The following COL4A5 variants were observed in gnomAD, a reference collection of about 807,000 sequenced individuals.
COL4A5 encodes collagen alpha-5(IV) chain.
In COL4A5, 26 loss-of-function variants were observed where a neutral mutation model predicts 130.2. The ratio of observed to expected loss-of-function variants is 0.20; its 90% CI spans 0.15 to 0.28. The LOEUF (loss-of-function observed/expected upper bound fraction) is 0.28. Ranked by LOEUF, COL4A5 falls within the 10% of genes least tolerant of loss-of-function variation. The probability of loss-of-function intolerance (pLI) is 1.00; values close to 1 mark genes in which losing one functional copy is unlikely to be tolerated. For synonymous variants in COL4A5, 496 were observed against 439.6 expected, an observed-to-expected ratio of 1.13 and a Z score of -1.60; for missense variants, 1,131 against 1,344.3, an observed-to-expected ratio of 0.84 and a Z score of 2.48.
chrX:108,556,231 A>G (rs1407935948), intron 2 of COL4A5, among the ~76,000 whole-genome samples: 5 of 111,799 alleles, frequency 4.5e-5, no homozygotes, highest in Non-Finnish European at 7.5e-5. Flanking sequence ...TCTACCTCAT[A>G]TTATCATTGA....
chrX:108,526,571 TCCTCCCTC>T (rs200411598), intron 1 of COL4A5, among the ~76,000 whole-genome samples: 6 of 82,092 alleles, frequency 7.3e-5, no homozygotes, highest in African/African-American at 2.8e-4. Flanking sequence ...CTCCTTCCTT[TCCTCCCTC>T]CCTCCCTCCC....
At chrX:108,600,945 T>A (rs2066616765) in intron 25 of COL4A5, among the ~76,000 whole-genome samples, 1 of 111,394 alleles carries the variant, frequency 9.0e-6, no homozygotes, top group South Asian at 3.8e-4. Flanking sequence ...AGAATTCACC[T>A]TTTTTTCTGC....
intron 36 of COL4A5, among the ~76,000 whole-genome samples, chrX:108,651,291 C>T (rs1164472274): frequency 2.7e-5 from 3 of 111,742 alleles, no homozygotes; most frequent in African/African-American, 9.8e-5. Context: ...ATACTGAAAA[C>T]ATTGAATTGT....
At chrX:108,539,490 G>A (rs960138798) in intron 1 of COL4A5, among the ~76,000 whole-genome samples, 6 of 111,698 alleles carry the variant, frequency 5.4e-5, no homozygotes, top group African/African-American at 9.7e-5. Context: ...TTAATGTCTT[G>A]TAAAATGATA....
At chrX:108,670,981 G>A (rs1398879086) in intron 42 of COL4A5, among the ~76,000 whole-genome samples, 1 of 111,395 alleles carries the variant, frequency 9.0e-6, no homozygotes, top group Non-Finnish European at 1.9e-5. Flanking sequence ...GGTGGAGGTT[G>A]CAGTGAGCTG....
intron 2 of COL4A5, among the ~76,000 whole-genome samples, chrX:108,544,504 A>G (rs113457762): frequency 0.1 from 11,576 of 111,374 alleles, 1,296 homozygotes; most frequent in African/African-American, 0.34. Flanking sequence ...TCTTGGATTC[A>G]GTTTGCCAGT....
Position 108,614,992 on chromosome X carries a change from C to T in COL4A5, c.2477C>T (p.Pro826Leu). The T allele has an allele frequency of 3.3e-6, 4 of 1,208,505 alleles. No homozygotes were observed. Among genetic ancestry groups the T allele is most frequent in the Non-Finnish European group, 1.1e-6 (1 of 892,656 alleles). Residue 826 changes from proline to leucine, a missense_variant, in exon 30 of 53, where the codon CCA becomes CTA. Pro to Leu is a moderately conservative substitution (Grantham distance 98). Coordinates refer to ENST00000328300, the MANE Select transcript of COL4A5 (RefSeq NM_033380.3). ...ATAGGTGTTCAGGGACCACCAGGAC[C>T]ACCAGGGATTCCTGGGCCAATAGGT... Reference protein sequence around the residue: ...PGIGVQGPPGPPGIPGPIGQP... With the variant: ...PGIGVQGPPGLPGIPGPIGQP...
At chrX:108,458,275 T>C (rs1483937849) in intron 1 of COL4A5, among the ~76,000 whole-genome samples, 2 of 111,893 alleles carry the variant, frequency 1.8e-5, no homozygotes, top group Non-Finnish European at 3.8e-5. Context: ...ATCCCATGTG[T>C]TTAGTTCCAG....
Position 108,606,887 on chromosome X carries a change from C to T in COL4A5, c.2390C>T (p.Pro797Leu). The change falls in exon 29 of 53, where the codon CCA (proline) becomes CTA (leucine). Residue 797 changes from proline to leucine, a missense_variant. By Grantham distance (98) the Pro-to-Leu change is moderately conservative (BLOSUM62 -3). Coordinates refer to ENST00000328300, the MANE Select transcript of COL4A5 (RefSeq NM_033380.3). The stretch of plus-strand genomic sequence containing the variant: ...ACTGGCTTAGATGGGCTCCCTGGAC[C>T]AAAAGGTATGGAGGCTGTCACTGCA... ...GRTGLDGLPGPKGDVGPNGQP... is the reference protein window; with the variant it reads ...GRTGLDGLPGLKGDVGPNGQP... 3 of 1,210,792 alleles carry T rather than the reference C, an allele frequency of 2.5e-6. No homozygotes were observed. The highest frequency in any genetic ancestry group is 2.2e-6 in the Non-Finnish European group (2 of 894,775).
chrX:108,601,714 A>T (rs1218708597), intron 26 of COL4A5, among the ~76,000 whole-genome samples, 171 bp from the exon 27 acceptor site: 1 of 110,407 alleles, frequency 9.1e-6, no homozygotes, highest in African/African-American at 3.3e-5. Flanking sequence ...TATTTTTAGT[A>T]GAGACGGAGT....
chrX:108,477,182 C>A (rs1569475248), intron 1 of COL4A5, among the ~76,000 whole-genome samples: 1 of 111,842 alleles, frequency 8.9e-6, no homozygotes, highest in Non-Finnish European at 1.9e-5. Context: ...CGCCTAGGAG[C>A]AATGCTTTGT....
intron 1 of COL4A5, among the ~76,000 whole-genome samples, chrX:108,474,995 T>C (rs2064817981): frequency 8.9e-6 from 1 of 111,828 alleles, no homozygotes; most frequent in Admixed American, 9.5e-5. Context: ...TTTTGATTAC[T>C]GTAGCTTTGT....
intron 1 of COL4A5, among the ~76,000 whole-genome samples, chrX:108,448,514 A>G (rs1025350062): frequency 1.8e-5 from 2 of 111,928 alleles, no homozygotes; most frequent in Non-Finnish European, 3.8e-5. Flanking sequence ...GGGCAGTGGT[A>G]TTAGGAGTGG....
In COL4A5 at chrX:108,666,543, A is replaced by C; in HGVS notation, c.3502A>C (p.Lys1168Gln). ...GQPGPPGEKGKPGQDGIPGPA... is the reference protein window; with the variant it reads ...GQPGPPGEKGQPGQDGIPGPA... ...ACCAGGGCCTCCAGGCGAAAAAGGC[A>C]AACCCGGTCAAGATGGTATTCCTGG... Residue 1168 changes from lysine (K) to glutamine (Q), a missense_variant, in exon 39 of 53, where the codon AAA becomes CAA. Transcript: ENST00000328300. 8.3e-7 allele frequency: 1 copy of C among 1,209,139 alleles called. No homozygotes were observed. The highest frequency in any genetic ancestry group is 1.1e-6 in the Non-Finnish European group (1 of 894,103).
Position 108,632,488 on chromosome X carries a change from G to A in COL4A5, c.3246+6139G>A, listed in dbSNP as rs148510526. Among the ~76,000 whole-genome samples, 564 of 110,962 alleles carry A rather than the reference G, an allele frequency of 5.1e-3. 2 individuals are homozygous for A. The highest frequency in any genetic ancestry group is 0.036 in the East Asian group (127 of 3,494). On this transcript the variant is annotated intron_variant, in intron 36 of 52. Coordinates refer to ENST00000328300, the MANE Select transcript of COL4A5 (RefSeq NM_033380.3). ...CTCCCTAACTCATTTTATGAGGCCG[G>A]CATCATCCTGATATCAAAGCCTGGC...
chrX:108,583,391 A>G (rs2066282036), intron 17 of COL4A5, among the ~76,000 whole-genome samples: 2 of 111,204 alleles, frequency 1.8e-5, no homozygotes, highest in South Asian at 3.8e-4. Flanking sequence ...TTTCCCCCCT[A>G]CTGGGCCAAT....
intron 27 of COL4A5, among the ~76,000 whole-genome samples, chrX:108,602,287 C>T (rs1433549002): frequency 8.9e-6 from 1 of 112,173 alleles, no homozygotes; most frequent in Non-Finnish European, 1.9e-5. Flanking sequence ...AGAACAGTTC[C>T]TAACACATAG....
chrX:108,627,453 T>C (rs923497048), intron 36 of COL4A5: 13 of 745,948 alleles, frequency 1.7e-5, no homozygotes, highest in Non-Finnish European at 1.9e-5. Flanking sequence ...GTATGCATGC[T>C]ACTCTGTACC....
chrX:108,573,994 T>C (rs2147760212), intron 9 of COL4A5, among the ~76,000 whole-genome samples: 1 of 111,511 alleles, frequency 9.0e-6, no homozygotes, highest in African/African-American at 3.3e-5. Flanking sequence ...TCCCATTGAA[T>C]ATATTAAGAT....
Sources: gnomAD v4.1 joint callset for allele counts (sites outside exome capture counted in the v4.1 genomes callset) on GRCh38, gnomAD v4.1.1 for gene constraint, MANE v1.5 for transcripts, NCBI Gene and HGNC (gene_info 2026-07-23, HGNC 2026-07-21) for gene names.